UBE2G1: variants seen among roughly 807,000 people sequenced by gnomAD.
UBE2G1 encodes the protein ubiquitin conjugating enzyme E2 G1, also known as ubiquitin-conjugating enzyme E2 G1.
In UBE2G1, 5 loss-of-function variants were observed where a neutral mutation model predicts 22.7. The observed-to-expected ratio is 0.22, with a 90% confidence interval of 0.12 to 0.46. The LOEUF is 0.46. Among genes scored for constraint, UBE2G1 ranks in the 20% least tolerant of loss-of-function variants. The pLI, the probability that UBE2G1 is intolerant of heterozygous loss-of-function variation, is 0.99. For missense variants in UBE2G1, 88 were observed against 203.9 expected, an observed-to-expected ratio of 0.43 and a Z score of 3.46; for synonymous variants, 74 against 67.5, an observed-to-expected ratio of 1.10 and a Z score of -0.47.
chr17:4,344,437 G>A (rs1969746381), intron 1 of UBE2G1, among the ~76,000 whole-genome samples: 1 of 152,024 alleles, frequency 6.6e-6, no homozygotes. Context: ...CTACTCGGGA[G>A]GCTGAGGCAG....
intron 2 of UBE2G1, among the ~76,000 whole-genome samples, chr17:4,300,299 T>G (rs1969160869): frequency 6.6e-6 from 1 of 152,034 alleles, no homozygotes; most frequent in African/African-American, 2.4e-5. Flanking sequence ...TCCCAGCACT[T>G]TGGGAGGCTG....
rs1207435186 is a variant in UBE2G1, at chr17:4,272,305, A to G, written c.*249T>C. On this transcript the variant is annotated 3_prime_UTR_variant, in exon 6 of 6. Transcript: ENST00000396981. ...CATGTTGTGCTATGTACAGGTCTTT[A>G]CAATTCTTCCTGAAGGTTAAAACAG... The G allele has an allele frequency of 1.3e-5, 2 of 158,998 alleles. No individual in the cohort carries two copies. Among genetic ancestry groups the G allele is most frequent in the African/African-American group, 4.8e-5 (2 of 41,494 alleles). The allele number at this position is 158,998 out of a possible 1,614,324, so 9.8% of individuals were successfully genotyped here. A position where few individuals can be genotyped will look rare whatever the true frequency, so the allele number is the denominator to read the frequency against.
In UBE2G1 at chr17:4,312,391, C is replaced by T. The variant is rs748268446; in HGVS notation, c.47-5268G>A. On this transcript the variant is annotated intron_variant, in intron 1 of 5. Transcript: ENST00000396981. ...CCGAATGAATTCTAGAAAATATTAA[C>T]AACTGAGAAACAAAAAACAGGAGGC... 2.6e-5 allele frequency among the ~76,000 whole-genome samples: 4 copies of T among 151,872 alleles called. No individual in the cohort carries two copies. The South Asian group carries it at 8.3e-4, about 32-fold the overall frequency.
chr17:4,280,080 G>C (rs1968868630), intron 5 of UBE2G1, among the ~76,000 whole-genome samples: 2 of 150,148 alleles, frequency 1.3e-5, no homozygotes, highest in African/African-American at 2.5e-5. Flanking sequence ...CTGTAGCCCA[G>C]GCTAGAGTGC....
At chr17:4,351,192 G>A (rs8075310) in intron 1 of UBE2G1, among the ~76,000 whole-genome samples, 48,744 of 147,072 alleles carry the variant, frequency 0.33, 7,972 homozygotes, top group Middle Eastern at 0.4. Context: ...GGGGGTGGGG[G>A]AAAGGTTAAA....
chr17:4,314,800 A>G (rs537300477), intron 1 of UBE2G1, among the ~76,000 whole-genome samples: 2 of 152,338 alleles, frequency 1.3e-5, no homozygotes, highest in East Asian at 3.9e-4. Flanking sequence ...ACTAATTCAC[A>G]AAGAACAGAA....
intron 1 of UBE2G1, among the ~76,000 whole-genome samples, chr17:4,320,666 T>C (rs937154828): frequency 1.3e-5 from 2 of 152,122 alleles, no homozygotes; most frequent in African/African-American, 4.8e-5. Flanking sequence ...TAAAGTAACA[T>C]AGGAAAATAA....
intron 1 of UBE2G1, among the ~76,000 whole-genome samples, chr17:4,334,334 T>C (rs1253503104): frequency 1.3e-5 from 2 of 152,118 alleles, no homozygotes; most frequent in African/African-American, 2.4e-5. Context: ...AAAAAACACA[T>C]GGCAAAATCA....
intron 1 of UBE2G1, among the ~76,000 whole-genome samples, chr17:4,308,616 T>G (rs2143735110): frequency 6.6e-6 from 1 of 152,344 alleles, no homozygotes; most frequent in East Asian, 1.9e-4. Flanking sequence ...TGAATGCATG[T>G]ATCAATCACC....
intron 1 of UBE2G1, among the ~76,000 whole-genome samples, chr17:4,323,379 GGAT>G (rs1969466160): frequency 6.6e-6 from 1 of 152,280 alleles, no homozygotes; most frequent in Middle Eastern, 3.4e-3. Flanking sequence ...TTCTGATGCA[GGAT>G]GATGATGAAG....
chr17:4,290,644 C>CTTTT lies in UBE2G1; in HGVS notation c.248-1240_248-1237dup, dbSNP rs372483601. Among the ~76,000 whole-genome samples the CTTTT allele has an allele frequency of 5.2e-3, 723 of 138,232 alleles. 23 individuals are homozygous for CTTTT. Among genetic ancestry groups the CTTTT allele is most frequent in the South Asian group, 0.037 (161 of 4,328 alleles). 90.7% of individuals were successfully genotyped at this position (138,232 alleles called of 152,430 possible). A position where few individuals can be genotyped will look rare whatever the true frequency, so the allele number is the denominator to read the frequency against. On this transcript the variant is annotated intron_variant, in intron 3 of 5. Transcript: ENST00000396981. ...ATGGCATGATGCCTGGCTAACCTGA[C>CTTTT]TTTTTTTTTTTTTTTGGTAGAGATG...
chr17:4,304,536 C>T (rs1305551296), intron 2 of UBE2G1, among the ~76,000 whole-genome samples: 1 of 148,260 alleles, frequency 6.7e-6, no homozygotes, highest in African/African-American at 2.4e-5. Flanking sequence ...CTTGTGGCAA[C>T]TATAGGAGTC....
At chr17:4,314,279 C>G (rs541367198) in intron 1 of UBE2G1, among the ~76,000 whole-genome samples, 1 of 152,096 alleles carries the variant, frequency 6.6e-6, no homozygotes, top group Non-Finnish European at 1.5e-5. Context: ...AGGAAGCTAT[C>G]GAGTAATACT....
chr17:4,273,732 C>T (rs28665988), intron 5 of UBE2G1, among the ~76,000 whole-genome samples: 5,533 of 151,080 alleles, frequency 0.037, 381 homozygotes, highest in African/African-American at 0.13. Context: ...TGGGTGGGGG[C>T]GCCAAGGACA....
At chr17:4,290,317 G>A (rs780106679) in intron 3 of UBE2G1, among the ~76,000 whole-genome samples, 1 of 152,102 alleles carries the variant, frequency 6.6e-6, no homozygotes, top group Non-Finnish European at 1.5e-5. Flanking sequence ...ACAAATTTGT[G>A]AATAAATATA....
intron 1 of UBE2G1, among the ~76,000 whole-genome samples, chr17:4,322,743 A>T (rs542843805): frequency 6.6e-6 from 1 of 152,360 alleles, no homozygotes; most frequent in African/African-American, 2.4e-5. Flanking sequence ...GACTTTAAGT[A>T]TATCCCCTGT....
chr17:4,336,744 A>T (rs535050386), intron 1 of UBE2G1, among the ~76,000 whole-genome samples: 82 of 152,140 alleles, frequency 5.4e-4, no homozygotes, highest in Non-Finnish European at 8.8e-4. Flanking sequence ...CCAGGCTGGG[A>T]TTACATGTGA....
chr17:4,325,201 G>T (rs1390726372), intron 1 of UBE2G1, among the ~76,000 whole-genome samples: 3 of 152,040 alleles, frequency 2.0e-5, no homozygotes, highest in Admixed American at 2.0e-4. Flanking sequence ...ATACTATAAT[G>T]GTAAGATACA....
chr17:4,269,730 A>G lies in UBE2G1; in HGVS notation c.*2824T>C, dbSNP rs1256434964. The G allele has an allele frequency of 5.4e-6, 1 of 186,246 alleles. No individual in the cohort carries two copies. The highest frequency in any genetic ancestry group is 1.1e-5 in the Non-Finnish European group (1 of 88,778). The allele number at this position is 186,246 out of a possible 1,614,324, so 11.5% of individuals were successfully genotyped here. ...TCTATCCCATACAAGCACAGACTGAAATCTATATGCCTCTACGAGAACTTG... is the reference window on the plus strand; with the variant it reads ...TCTATCCCATACAAGCACAGACTGAGATCTATATGCCTCTACGAGAACTTG... On this transcript the variant is annotated 3_prime_UTR_variant, in exon 6 of 6. Coordinates refer to ENST00000396981, the MANE Select transcript of UBE2G1 (RefSeq NM_003342.5).
Sources: allele counts gnomAD v4.1 joint callset (sites outside exome capture counted in the v4.1 genomes callset), GRCh38; gene constraint gnomAD v4.1.1; transcripts MANE v1.5; gene names NCBI Gene and HGNC (gene_info 2026-07-23, HGNC 2026-07-21).